TPP2: variants seen among roughly 807,000 people sequenced by gnomAD.
TPP2 encodes the protein tripeptidyl-peptidase 2.
Under a neutral mutation model 155.9 loss-of-function variants are expected in TPP2, and 34 were observed. The observed-to-expected ratio is 0.22, with a 90% confidence interval of 0.17 to 0.29. TPP2 has a LOEUF of 0.29. TPP2 is among the 10% of genes least tolerant of loss of function. The pLI is 1.00. For missense variants in TPP2, 1,028 were observed against 1,522.3 expected, an observed-to-expected ratio of 0.68 and a Z score of 5.40; for synonymous variants, 510 against 529.4, an observed-to-expected ratio of 0.96 and a Z score of 0.50.
intron 16 of TPP2, among the ~76,000 whole-genome samples, chr13:102,640,891 A>C (rs1882722016): frequency 6.6e-6 from 1 of 152,062 alleles, no homozygotes; most frequent in South Asian, 2.1e-4. Context: ...ACCTCGTGAT[A>C]CACTCGCCTC....
chr13:102,645,817 T>C (rs1317768202), intron 19 of TPP2, among the ~76,000 whole-genome samples: 1 of 152,214 alleles, frequency 6.6e-6, no homozygotes, highest in Non-Finnish European at 1.5e-5. Flanking sequence ...TTCAGAGGAC[T>C]ACTAAAAATA....
At chr13:102,677,521 A>C (rs1289484924) in intron 29 of TPP2, among the ~76,000 whole-genome samples, 1 of 152,142 alleles carries the variant, frequency 6.6e-6, no homozygotes, top group African/African-American at 2.4e-5. Context: ...ATTTCATATC[A>C]CACTTGCCCA....
Position 102,633,905 on chromosome 13 carries a change from T to C in TPP2, c.1245-45T>C, listed in dbSNP as rs746142122. 2.5e-6 allele frequency: 4 copies of C among 1,611,124 alleles called. No individual in the cohort carries two copies. The East Asian group carries it at 8.9e-5, about 36-fold the overall frequency. The stretch of plus-strand genomic sequence containing the variant: ...TCGTCTTAAAAATGCCCATGTATGT[T>C]TAGCTTTCACCATCCTAAGCAAACT... On this transcript the variant is annotated intron_variant, in intron 10 of 29. Coordinates refer to ENST00000376052, the MANE Select transcript of TPP2 (RefSeq NM_001330588.2).
At chr13:102,617,210 G>A (rs1293089658) in intron 4 of TPP2, among the ~76,000 whole-genome samples, 4 of 151,914 alleles carry the variant, frequency 2.6e-5, no homozygotes, top group Admixed American at 1.3e-4. Context: ...CACCGTGCCC[G>A]GCCTATGTAT....
intron 27 of TPP2, among the ~76,000 whole-genome samples, chr13:102,670,941 C>T (rs937537943): frequency 6.6e-6 from 1 of 152,192 alleles, no homozygotes; most frequent in Non-Finnish European, 1.5e-5. Context: ...ACTTACAAGT[C>T]CTGGCTCCGT....
intron 19 of TPP2, among the ~76,000 whole-genome samples, chr13:102,645,936 C>T (rs1026160529): frequency 2.6e-5 from 4 of 152,208 alleles, no homozygotes; most frequent in Non-Finnish European, 5.9e-5. Flanking sequence ...GTACTGTCAA[C>T]AGTTTGCACA....
At chr13:102,668,622 T>C (rs1884763289) in intron 27 of TPP2, among the ~76,000 whole-genome samples, 1 of 152,156 alleles carries the variant, frequency 6.6e-6, no homozygotes, top group Non-Finnish European at 1.5e-5. Context: ...GCAGTTACTT[T>C]ATTGGAGGCT....
At chr13:102,615,218 G>A (rs1880627150) in intron 3 of TPP2, among the ~76,000 whole-genome samples, 1 of 152,164 alleles carries the variant, frequency 6.6e-6, no homozygotes, top group African/African-American at 2.4e-5. Context: ...TTTCAGGCTG[G>A]AATGCAGTGG....
chr13:102,627,267 T>C lies in TPP2; in HGVS notation c.939+101T>C, dbSNP rs1226208574. ...CTAGTTTACCAAGAATACATTGAAC[T>C]ATATATAGTGTACAGGACTTTTAAC... On this transcript the variant is annotated intron_variant, in intron 7 of 29. Coordinates refer to ENST00000376052, the MANE Select transcript of TPP2 (RefSeq NM_001330588.2). 3.5e-6 allele frequency: 4 copies of C among 1,144,418 alleles called. 1 individual carries two copies. The highest frequency in any genetic ancestry group is 2.9e-4 in the Middle Eastern group (1 of 3,408). 70.9% of individuals were successfully genotyped at this position (1,144,418 alleles called of 1,614,324 possible). A position where few individuals can be genotyped will look rare whatever the true frequency, so the allele number is the denominator to read the frequency against.
At chr13:102,660,094 C>T (rs1884108131) in intron 25 of TPP2, among the ~76,000 whole-genome samples, 1 of 151,738 alleles carries the variant, frequency 6.6e-6, no homozygotes. Flanking sequence ...AAAGGGATAA[C>T]ATTTCTGTAT....
chr13:102,638,207 G>A (rs770950147), intron 14 of TPP2, 32 bp from the exon 15 acceptor site: 4 of 1,587,460 alleles, frequency 2.5e-6, no homozygotes, highest in Non-Finnish European at 3.4e-6. Context: ...ATTTGTTTAT[G>A]GATATTGACA....
intron 2 of TPP2, among the ~76,000 whole-genome samples, chr13:102,605,645 C>G (rs1463067907): frequency 6.6e-6 from 1 of 151,092 alleles, no homozygotes; most frequent in Non-Finnish European, 1.5e-5. Context: ...GTTAACTTGA[C>G]CATGAAGAAA....
chr13:102,625,164 CTTT>C (rs71125084), intron 6 of TPP2, among the ~76,000 whole-genome samples: 1 of 73,474 alleles, frequency 1.4e-5, no homozygotes, highest in Non-Finnish European at 2.5e-5. Flanking sequence ...GGCCACTTAA[CTTT>C]TTTTTTTTTT....
rs763418725 is a variant in TPP2 at position 102,649,497 on chromosome 13, G to GTTTTTTTTT, written c.2952+17_2952+18insTTTTTTTTT. The stretch of plus-strand genomic sequence containing the variant: ...CTAGGAAAGAAAGCTGTAAGTATTA[G>GTTTTTTTTT]TTTTTTAAACACTGAAATTACCTAT... On this transcript the variant is annotated intron_variant, in intron 23 of 29. Coordinates refer to ENST00000376052, the MANE Select transcript of TPP2 (RefSeq NM_001330588.2). 1 of 1,599,066 alleles carries GTTTTTTTTT rather than the reference G, an allele frequency of 6.3e-7. No individual in the cohort carries two copies.
intron 27 of TPP2, among the ~76,000 whole-genome samples, chr13:102,672,653 G>A (rs750266016): frequency 6.6e-6 from 1 of 152,126 alleles, no homozygotes; most frequent in African/African-American, 2.4e-5. Context: ...GATAGTAGTT[G>A]TGCCCGACAC....
chr13:102,644,673 T>C lies in TPP2; in HGVS notation c.2292T>C (p.Ile764=). The C allele has an allele frequency of 6.3e-7, 1 of 1,591,346 alleles. No individual in the cohort carries two copies. ...GIVCTAPQLN[I]HASEGINRFD... ...TGTGTACTGCTCCTCAGTTAAACAT[T>C]GTAAGTTCCACAACATTTTCATGAT... Residue 764 remains isoleucine (I), a splice_region_variant and synonymous_variant, in exon 18 of 30, where the codon ATT becomes ATC. Transcript: ENST00000376052.
rs1238753201 is a variant in TPP2 at position 102,648,974 on chromosome 13, A to G, written c.2696A>G (p.Asp899Gly). ...CAGATTCGCCATGAGCAAATCAGTG[A>G]TTTGGAACGCCTTAAAGACCTTCCA... ...RLQIRHEQIS[D>G]LERLKDLPFI... is the part of the protein sequence containing the mutation. The change falls in exon 22 of 30, where the codon GAT becomes GGT. Residue 899 changes from aspartate to glycine, a missense_variant. Physicochemically the swap from Asp to Gly is moderately conservative, Grantham distance 94. Around this residue, in one of 7 missense-constraint regions of TPP2, gnomAD observed 179 missense variants for 274.7 expected, o/e 0.65. Transcript: ENST00000376052. The G allele has an allele frequency of 6.2e-7, 1 of 1,613,680 alleles. No individual in the cohort carries two copies. The highest frequency in any genetic ancestry group is 8.5e-7 in the Non-Finnish European group (1 of 1,179,910).
At chr13:102,658,308 G>A (rs542432312) in intron 25 of TPP2, among the ~76,000 whole-genome samples, 2 of 152,190 alleles carry the variant, frequency 1.3e-5, no homozygotes, top group Non-Finnish European at 2.9e-5. Context: ...ATTTCCCAGA[G>A]ATTGAACCAT....
At chr13:102,614,660 AT>A (rs11343394) in intron 3 of TPP2, among the ~76,000 whole-genome samples, 37,863 of 151,944 alleles carry the variant, frequency 0.25, 5,278 homozygotes, top group East Asian at 0.45. Context: ...GTAAGTGTTA[AT>A]TCAGTCCTAA....
Sources: gnomAD v4.1 joint callset for allele counts (sites outside exome capture counted in the v4.1 genomes callset) on GRCh38, gnomAD v4.1.1 for gene constraint, gnomAD v4.1.1 regional missense constraint, MANE v1.5 for transcripts, NCBI Gene and HGNC (gene_info 2026-07-23, HGNC 2026-07-21) for gene names.